The following DDHD1 variants were observed in gnomAD, a reference collection of about 807,000 sequenced individuals.
DDHD1 encodes the protein DDHD domain containing 1, also known as phospholipase DDHD1.
A neutral mutation model predicts 96.4 loss-of-function variants in DDHD1; 49 were observed. The observed-to-expected ratio is 0.51, with a 90% confidence interval of 0.40 to 0.64. The LOEUF (loss-of-function observed/expected upper bound fraction) is 0.64, where lower values mean the gene tolerates loss of function less well. Ranked by LOEUF, DDHD1 falls within the 30% of genes least tolerant of loss-of-function variation. The pLI is 0.00. For missense variants in DDHD1, 1,106 were observed against 1,161.2 expected, an observed-to-expected ratio of 0.95 and a Z score of 0.69; for synonymous variants, 442 against 446.5, an observed-to-expected ratio of 0.99 and a Z score of 0.13.
chr14:53,073,699 G>A, intron 5 of DDHD1, 42 bp downstream of exon 5: 1 of 1,520,748 alleles, frequency 6.6e-7, no homozygotes, highest in Non-Finnish European at 8.9e-7. Context: ...TTTGGTAAAA[G>A]TTTGCCATTG....
chr14:53,143,933 A>G (rs971373376), intron 1 of DDHD1, among the ~76,000 whole-genome samples: 1 of 152,218 alleles, frequency 6.6e-6, no homozygotes, highest in African/African-American at 2.4e-5. Flanking sequence ...TACTTTTTAC[A>G]GGGCTCAACC....
At chr14:53,144,889 T>C (rs193295397) in intron 1 of DDHD1, among the ~76,000 whole-genome samples, 10 of 152,254 alleles carry the variant, frequency 6.6e-5, no homozygotes, top group Admixed American at 1.3e-4. Flanking sequence ...GTGGCTCACA[T>C]TTGTAATCCC....
chr14:53,103,299 A>T, intron 2 of DDHD1: 1 of 378,668 alleles, frequency 2.6e-6, no homozygotes, highest in Non-Finnish European at 4.6e-6. Context: ...TTTTTTTTTG[A>T]ACTTCAGGAA....
intron 1 of DDHD1, among the ~76,000 whole-genome samples, chr14:53,147,472 A>G (rs1385171268): frequency 6.6e-6 from 1 of 152,266 alleles, no homozygotes; most frequent in Non-Finnish European, 1.5e-5. Flanking sequence ...AGGTGAATCA[A>G]TAACTGATAT....
chr14:53,128,473 C>T (rs1332884554), intron 1 of DDHD1, among the ~76,000 whole-genome samples: 1 of 152,136 alleles, frequency 6.6e-6, no homozygotes, highest in African/African-American at 2.4e-5. Flanking sequence ...GGGGAAGGAG[C>T]AGGGTGTTAA....
intron 1 of DDHD1, among the ~76,000 whole-genome samples, chr14:53,133,266 A>G (rs1595243579): frequency 1.3e-5 from 2 of 152,206 alleles, no homozygotes; most frequent in South Asian, 2.1e-4. Flanking sequence ...GCCTCGAGTC[A>G]GGAAACTATA....
At chr14:53,126,491 C>T (rs918856145) in intron 1 of DDHD1, among the ~76,000 whole-genome samples, 3 of 152,184 alleles carry the variant, frequency 2.0e-5, no homozygotes, top group African/African-American at 4.8e-5. Flanking sequence ...CTTCAGCTCC[C>T]AAGTAGCTGG....
intron 10 of DDHD1, among the ~76,000 whole-genome samples, chr14:53,055,172 G>C (rs180748438): frequency 1.2e-3 from 182 of 152,286 alleles, no homozygotes; most frequent in Non-Finnish European, 2.1e-3. Flanking sequence ...GAGTTCCAGT[G>C]ATACAGCAAA....
At position 53,045,955 on chromosome 14, in the gene DDHD1, A is replaced by C. The variant is rs949295556; in HGVS notation, c.*813T>G. On this transcript the variant is annotated 3_prime_UTR_variant, in exon 13 of 13. Transcript: ENST00000673822. Reference sequence around the variant, plus strand: ...ATGGAGTACTCCGTGTCAAGTTTAGAGAAACTTTAGCTTTCTCTGAAGTAC... The same window carrying C: ...ATGGAGTACTCCGTGTCAAGTTTAGCGAAACTTTAGCTTTCTCTGAAGTAC... The C allele has an allele frequency of 6.6e-6, 1 of 152,210 alleles. No homozygotes were observed. Among genetic ancestry groups the C allele is most frequent in the Non-Finnish European group, 1.5e-5 (1 of 68,030 alleles). The allele number at this position is 152,210 out of a possible 1,614,324, so 9.4% of individuals were successfully genotyped here.
chr14:53,134,880 C>G (rs1890119431), intron 1 of DDHD1, among the ~76,000 whole-genome samples: 1 of 152,162 alleles, frequency 6.6e-6, no homozygotes, highest in Admixed American at 6.5e-5. Flanking sequence ...TCCAGGCCAT[C>G]ACCAATCATT....
Position 53,055,673 on chromosome 14 carries a change from T to C in DDHD1, c.2232A>G (p.Lys744=). Residue 744 remains lysine, a synonymous_variant, in exon 10 of 13, where the codon AAA becomes AAG. Transcript: ENST00000673822. Reference sequence around the variant, plus strand: ...AAGAGAAATTACCTAATATGCTTGCTTTGCCTATATTTGTTATAGATTCTC... The same window carrying C: ...AAGAGAAATTACCTAATATGCTTGCCTTGCCTATATTTGTTATAGATTCTC... ...HYGESITNIG[K]ASILGAASIG... The C allele has an allele frequency of 6.2e-7, 1 of 1,614,088 alleles. No homozygotes were observed. The highest frequency in any genetic ancestry group is 8.5e-7 in the Non-Finnish European group (1 of 1,179,934).
intron 1 of DDHD1, among the ~76,000 whole-genome samples, chr14:53,146,619 T>A (rs1891002329): frequency 6.6e-6 from 1 of 152,268 alleles, no homozygotes; most frequent in Non-Finnish European, 1.5e-5. Context: ...CTGTTTTTCT[T>A]CAGTTCTCTG....
rs1257300916 is a variant in DDHD1, at chr14:53,037,892, G to A, written c.*8876C>T. 1 of 152,084 alleles carries A rather than the reference G, an allele frequency of 6.6e-6. No individual in the cohort carries two copies. Among genetic ancestry groups the A allele is most frequent in the Non-Finnish European group, 1.5e-5 (1 of 67,996 alleles). 9.4% of individuals were successfully genotyped at this position (152,084 alleles called of 1,614,324 possible). A position where few individuals can be genotyped will look rare whatever the true frequency, so the allele number is the denominator to read the frequency against. On this transcript the variant is annotated 3_prime_UTR_variant, in exon 13 of 13. Coordinates refer to ENST00000673822, the MANE Select transcript of DDHD1 (RefSeq NM_001160148.2). ...CATTTAAATCTTTAATCCATCTTGAGTTAATTTTCATATACGGTGAAAGGT... is the reference window on the plus strand; with the variant it reads ...CATTTAAATCTTTAATCCATCTTGAATTAATTTTCATATACGGTGAAAGGT...
chr14:53,132,058 AT>A (rs1289799036), intron 1 of DDHD1, among the ~76,000 whole-genome samples: 1 of 152,162 alleles, frequency 6.6e-6, no homozygotes, highest in Non-Finnish European at 1.5e-5. Context: ...CATTATATAA[AT>A]TCACAAAGGA....
At chr14:53,086,237 TA>T (rs1885937544) in intron 4 of DDHD1, among the ~76,000 whole-genome samples, 1 of 152,152 alleles carries the variant, frequency 6.6e-6, no homozygotes, top group Admixed American at 6.5e-5. Context: ...TTTAGGATAT[TA>T]TCCAGGAGAA....
intron 6 of DDHD1, among the ~76,000 whole-genome samples, chr14:53,072,052 C>A (rs1431507921): frequency 6.6e-6 from 1 of 152,094 alleles, no homozygotes; most frequent in African/African-American, 2.4e-5. Context: ...CAAGTTCACA[C>A]ATGTTAGGCA....
At chr14:53,135,470 C>A (rs1373532947) in intron 1 of DDHD1, among the ~76,000 whole-genome samples, 1 of 152,210 alleles carries the variant, frequency 6.6e-6, no homozygotes, top group Non-Finnish European at 1.5e-5. Flanking sequence ...AGACTCAGCC[C>A]AACTGCACCC....
chr14:53,117,113 C>G (rs1888601950), intron 1 of DDHD1, among the ~76,000 whole-genome samples: 1 of 152,206 alleles, frequency 6.6e-6, no homozygotes, highest in South Asian at 2.1e-4. Flanking sequence ...AAACTACCAT[C>G]AGATAATACC....
At chr14:53,080,646 T>C (rs908329940) in intron 4 of DDHD1, among the ~76,000 whole-genome samples, 1 of 151,926 alleles carries the variant, frequency 6.6e-6, no homozygotes, top group Non-Finnish European at 1.5e-5. Flanking sequence ...ATTCCTAAGT[T>C]CTAGAAGAAT....
Sources: allele counts gnomAD v4.1 joint callset (sites outside exome capture counted in the v4.1 genomes callset), GRCh38; gene constraint gnomAD v4.1.1; transcripts MANE v1.5; gene names NCBI Gene and HGNC (gene_info 2026-07-23, HGNC 2026-07-21).